Variants in DLGAP4 observed in about 807,000 individuals in gnomAD.
DLGAP4 encodes the protein DLG associated protein 4.
Under a neutral mutation model 86.9 loss-of-function variants are expected in DLGAP4, and 18 were observed. That is an observed-to-expected ratio of 0.21 (90% CI 0.14 to 0.31). The LOEUF is 0.31. Ranked by LOEUF, DLGAP4 falls within the 10% of genes least tolerant of loss-of-function variation. The pLI is 1.00. For missense variants in DLGAP4, 1,085 were observed against 1,362.6 expected, an observed-to-expected ratio of 0.80 and a Z score of 3.21; for synonymous variants, 548 against 574.3, an observed-to-expected ratio of 0.95 and a Z score of 0.65.
chr20:36,363,269 G>C (rs2030579229), intron 1 of DLGAP4, among the ~76,000 whole-genome samples: 1 of 152,198 alleles, frequency 6.6e-6, no homozygotes, highest in Non-Finnish European at 1.5e-5. Flanking sequence ...GGTGGTGCAG[G>C]GCTGCCTGTG....
intron 11 of DLGAP4, 141 bp from the exon 12 acceptor site, chr20:36,525,710 C>A: frequency 8.9e-7 from 1 of 1,125,408 alleles, no homozygotes; most frequent in African/African-American, 1.6e-5. Context: ...TTCATTCATA[C>A]AGATACTTAC....
chr20:36,348,122 G>C (rs139841160), intron 1 of DLGAP4, among the ~76,000 whole-genome samples: 1 of 152,152 alleles, frequency 6.6e-6, no homozygotes, highest in East Asian at 1.9e-4. Flanking sequence ...CAAAAACGTA[G>C]TCACATGGCC....
chr20:36,517,078 TA>T (rs201780298), intron 10 of DLGAP4, among the ~76,000 whole-genome samples: 1 of 147,654 alleles, frequency 6.8e-6, no homozygotes, highest in Non-Finnish European at 1.5e-5. Flanking sequence ...ACCTGTGTCT[TA>T]AAAAAAAAGA....
At chr20:36,309,030 G>T (rs964770897) in intron 1 of DLGAP4, among the ~76,000 whole-genome samples, 1 of 151,336 alleles carries the variant, frequency 6.6e-6, no homozygotes, top group African/African-American at 2.4e-5. Context: ...GGTCCCCCTG[G>T]CGGGCCTTCA....
At chr20:36,370,505 G>T (rs1190165519) in intron 2 of DLGAP4, among the ~76,000 whole-genome samples, 1 of 151,784 alleles carries the variant, frequency 6.6e-6, no homozygotes, top group African/African-American at 2.4e-5. Context: ...AGTATTAAAG[G>T]ATAGGAGTGG....
chr20:36,444,695 C>A (rs981836980), intron 6 of DLGAP4, among the ~76,000 whole-genome samples: 76 of 152,198 alleles, frequency 5.0e-4, no homozygotes, highest in African/African-American at 1.7e-3. Context: ...GGTTGGAGTG[C>A]AGTTGCCCAG....
intron 2 of DLGAP4, among the ~76,000 whole-genome samples, chr20:36,392,984 A>G (rs1395821210): frequency 2.0e-5 from 3 of 151,860 alleles, no homozygotes; most frequent in Non-Finnish European, 4.4e-5. Flanking sequence ...GGTAGAGGGA[A>G]CAGCCAGTAC....
At chr20:36,319,693 C>T (rs553990262) in intron 1 of DLGAP4, among the ~76,000 whole-genome samples, 11 of 152,282 alleles carry the variant, frequency 7.2e-5, no homozygotes, top group Middle Eastern at 3.4e-3. Context: ...ATCACAGCCT[C>T]GTGACTCACA....
intron 1 of DLGAP4, among the ~76,000 whole-genome samples, chr20:36,348,418 CT>C (rs375363262): frequency 0.017 from 2,523 of 150,116 alleles, 65 homozygotes; most frequent in African/African-American, 0.058. Flanking sequence ...AGCTTACTTT[CT>C]TTTTTTTTTC....
chr20:36,369,447 G>T (rs1308560337), intron 2 of DLGAP4, among the ~76,000 whole-genome samples: 1 of 152,138 alleles, frequency 6.6e-6, no homozygotes, highest in Non-Finnish European at 1.5e-5. Context: ...ACAAAAATTA[G>T]CCAGGTGTGG....
At chr20:36,341,638 T>C (rs748230975) in intron 1 of DLGAP4, among the ~76,000 whole-genome samples, 27 of 151,906 alleles carry the variant, frequency 1.8e-4, no homozygotes, top group Non-Finnish European at 3.1e-4. Flanking sequence ...CGGGGAGGAG[T>C]TGGTGTCTGA....
chr20:36,333,331 T>A (rs1321850739), intron 1 of DLGAP4, among the ~76,000 whole-genome samples: 1 of 151,220 alleles, frequency 6.6e-6, no homozygotes, highest in Non-Finnish European at 1.5e-5. Flanking sequence ...TAATAGAGGG[T>A]TTTTTTTTCT....
chr20:36,457,278 G>A (rs532086562), intron 7 of DLGAP4, among the ~76,000 whole-genome samples: 44 of 152,038 alleles, frequency 2.9e-4, no homozygotes, highest in African/African-American at 9.6e-4. Flanking sequence ...GCGTGCAGTA[G>A]CGAGATCTTG....
intron 2 of DLGAP4, among the ~76,000 whole-genome samples, chr20:36,412,401 T>C (rs1310653207): frequency 1.3e-5 from 2 of 152,212 alleles, no homozygotes; most frequent in Non-Finnish European, 2.9e-5. Context: ...CTGTGTCCCC[T>C]GAGCATGGCC....
At chr20:36,447,684 G>T (rs549166204) in intron 7 of DLGAP4, among the ~76,000 whole-genome samples, 19 of 152,232 alleles carry the variant, frequency 1.2e-4, no homozygotes, top group Non-Finnish European at 2.4e-4. Flanking sequence ...GCCTCCCAAA[G>T]TGCTGGGATT....
At chr20:36,408,357 A>G (rs572088190) in intron 2 of DLGAP4, among the ~76,000 whole-genome samples, 3 of 151,998 alleles carry the variant, frequency 2.0e-5, no homozygotes, top group Non-Finnish European at 4.4e-5. Context: ...AGAATACACA[A>G]GGCAGAGTTA....
chr20:36,458,026 GC>G (rs754464221), intron 7 of DLGAP4, among the ~76,000 whole-genome samples: 75 of 152,284 alleles, frequency 4.9e-4, no homozygotes, highest in Non-Finnish European at 8.5e-4. Flanking sequence ...GGCAGGAGGT[GC>G]CTGACAGGCT....
chr20:36,386,114 C>T, intron 2 of DLGAP4, among the ~76,000 whole-genome samples: 1 of 147,098 alleles, frequency 6.8e-6, no homozygotes, highest in East Asian at 2.0e-4. Flanking sequence ...ACTTAGGAGA[C>T]AAAGCCCACC....
chr20:36,407,207 G>A (rs1220323643), intron 2 of DLGAP4, among the ~76,000 whole-genome samples: 1 of 152,150 alleles, frequency 6.6e-6, no homozygotes, highest in Non-Finnish European at 1.5e-5. Context: ...AGGGTGTTGT[G>A]ACACATGCCT....
Sources: allele counts gnomAD v4.1 joint callset (sites outside exome capture counted in the v4.1 genomes callset), GRCh38; gene constraint gnomAD v4.1.1; transcripts MANE v1.5; gene names NCBI Gene and HGNC (gene_info 2026-07-23, HGNC 2026-07-21).